The following ZNF385B variants were observed in gnomAD, a reference collection of about 807,000 sequenced individuals.
ZNF385B encodes zinc finger protein 533.
In ZNF385B, 23 loss-of-function variants were observed where a neutral mutation model predicts 39.2. The ratio of observed to expected loss-of-function variants is 0.59; its 90% confidence interval spans 0.42 to 0.83. The LOEUF (loss-of-function observed/expected upper bound fraction) is 0.83, where lower values mean the gene tolerates loss of function less well. Ranked by LOEUF, ZNF385B falls within the 40% of genes least tolerant of loss-of-function variation. ZNF385B has a pLI of 0.00. For synonymous variants in ZNF385B, 205 were observed against 222.6 expected, an observed-to-expected ratio of 0.92 and a Z score of 0.70; for missense variants, 552 against 598.9, an observed-to-expected ratio of 0.92 and a Z score of 0.82.
intron 3 of ZNF385B, among the ~76,000 whole-genome samples, chr2:179,695,953 C>T (rs999269635): frequency 5.3e-5 from 8 of 152,272 alleles, no homozygotes; most frequent in Middle Eastern, 3.4e-3. Context: ...TGTGTGGATA[C>T]GTGCCACAAC....
chr2:179,650,062 T>C (rs1459251530), intron 3 of ZNF385B, among the ~76,000 whole-genome samples: 2 of 152,156 alleles, frequency 1.3e-5, no homozygotes, highest in African/African-American at 2.4e-5. Context: ...CGGGCAATAA[T>C]GACATATGGT....
intron 3 of ZNF385B, among the ~76,000 whole-genome samples, chr2:179,575,755 T>C (rs1280332121): frequency 6.6e-6 from 1 of 152,046 alleles, no homozygotes; most frequent in East Asian, 1.9e-4. Context: ...TAAGTGGTAG[T>C]TATGCCCAAG....
intron 3 of ZNF385B, among the ~76,000 whole-genome samples, chr2:179,732,996 T>C (rs1299327654): frequency 6.6e-6 from 1 of 152,222 alleles, no homozygotes; most frequent in East Asian, 1.9e-4. Context: ...AGACCCTTAA[T>C]GTTTTACATA....
At chr2:179,846,573 G>T (rs1708810449) in intron 1 of ZNF385B, among the ~76,000 whole-genome samples, 1 of 152,120 alleles carries the variant, frequency 6.6e-6, no homozygotes, top group South Asian at 2.1e-4. Flanking sequence ...GCTGTCCTGG[G>T]GGTACCTCAG....
chr2:179,738,518 A>G (rs545321709), intron 3 of ZNF385B, among the ~76,000 whole-genome samples: 124 of 152,342 alleles, frequency 8.1e-4, no homozygotes, highest in African/African-American at 2.9e-3. Flanking sequence ...TTTGACTCAT[A>G]TGATGAGTTT....
intron 3 of ZNF385B, among the ~76,000 whole-genome samples, chr2:179,659,065 C>T (rs1334944905): frequency 2.0e-5 from 3 of 152,186 alleles, no homozygotes; most frequent in Non-Finnish European, 4.4e-5. Context: ...GCGCGAGCCA[C>T]CATGCCTGGC....
intron 4 of ZNF385B, among the ~76,000 whole-genome samples, chr2:179,532,619 C>T (rs1309607228): frequency 3.3e-5 from 5 of 152,158 alleles, no homozygotes; most frequent in Non-Finnish European, 7.3e-5. Context: ...GATGCTTGGC[C>T]CTTCAGTCTT....
At chr2:179,748,451 C>A (rs2106464474) in intron 3 of ZNF385B, among the ~76,000 whole-genome samples, 1 of 152,134 alleles carries the variant, frequency 6.6e-6, no homozygotes, top group African/African-American at 2.4e-5. Flanking sequence ...GGTTATCTCA[C>A]CCTCTTCTCA....
intron 1 of ZNF385B, among the ~76,000 whole-genome samples, chr2:179,827,179 A>C (rs1707725337): frequency 6.6e-6 from 1 of 152,224 alleles, no homozygotes; most frequent in South Asian, 2.1e-4. Context: ...GCAGGGGAGA[A>C]GGAGCAGCTA....
intron 4 of ZNF385B, among the ~76,000 whole-genome samples, chr2:179,534,011 T>C (rs1228409886): frequency 6.6e-6 from 1 of 152,074 alleles, no homozygotes; most frequent in Non-Finnish European, 1.5e-5. Context: ...ACTTAATATA[T>C]TCTCTTCCAA....
In ZNF385B at chr2:179,460,087, G is replaced by C. The variant is rs192162935; in HGVS notation, c.716-13317C>G. 6.6e-3 allele frequency among the ~76,000 whole-genome samples: 1,006 copies of C among 152,048 alleles called. 17 individuals carry two copies. Among genetic ancestry groups the C allele is most frequent in the Non-Finnish European group, 5.6e-3 (379 of 67,982 alleles). ...CCACTGCACTCCAGCCTGGGCAACAGAGTAAGACTCTGTCTCAAAAAGAAA... is the reference window on the plus strand; with the variant it reads ...CCACTGCACTCCAGCCTGGGCAACACAGTAAGACTCTGTCTCAAAAAGAAA... On this transcript the variant is annotated intron_variant, in intron 6 of 9. Coordinates refer to ENST00000410066, the MANE Select transcript of ZNF385B (RefSeq NM_152520.6).
intron 5 of ZNF385B, among the ~76,000 whole-genome samples, chr2:179,493,202 T>G (rs1166780512): frequency 2.0e-5 from 3 of 152,088 alleles, no homozygotes; most frequent in African/African-American, 7.2e-5. Flanking sequence ...AATTTAGCAC[T>G]GTTTTATTAT....
At chr2:179,445,063 G>A (rs2105532407) in intron 8 of ZNF385B, 86 bp from the exon 9 acceptor site, 1 of 1,132,674 alleles carries the variant, frequency 8.8e-7, no homozygotes. Flanking sequence ...TTTCTCCATT[G>A]CCAACTCTAG....
chr2:179,799,756 G>T (rs1180770619), intron 1 of ZNF385B, among the ~76,000 whole-genome samples: 1 of 151,988 alleles, frequency 6.6e-6, no homozygotes, highest in Non-Finnish European at 1.5e-5. Context: ...AAAGCATTCT[G>T]CAAACTTAAA....
intron 6 of ZNF385B, among the ~76,000 whole-genome samples, chr2:179,463,346 C>CT (rs1346601843): frequency 3.8e-5 from 2 of 53,122 alleles, no homozygotes; most frequent in East Asian, 2.9e-3. Flanking sequence ...CTTGGCCTCT[C>CT]TATTTCTTTT....
rs966110335 is a variant in ZNF385B, at chr2:179,518,760, TAAAG to T, written c.442-126_442-123del. 34 of 537,450 alleles carry T rather than the reference TAAAG, an allele frequency of 6.3e-5. No individual in the cohort carries two copies. In the Admixed American group the frequency reaches 7.1e-4, roughly 11 times the overall value. 33.3% of individuals were successfully genotyped at this position (537,450 alleles called of 1,614,324 possible). A position where few individuals can be genotyped will look rare whatever the true frequency, so the allele number is the denominator to read the frequency against. ...ACTTTTAGTTCCTAAACAAAGATAA[TAAAG>T]AGTCTCCTTCAACAGTAATATATTT... On this transcript the variant is annotated intron_variant, in intron 4 of 9. Transcript: ENST00000410066.
At chr2:179,537,696 G>A (rs894388779) in intron 4 of ZNF385B, among the ~76,000 whole-genome samples, 2 of 151,454 alleles carry the variant, frequency 1.3e-5, no homozygotes, top group Non-Finnish European at 2.9e-5. Context: ...AGCTGAGATT[G>A]TACCACTGCA....
chr2:179,571,392 G>C (rs1009707755), intron 3 of ZNF385B, among the ~76,000 whole-genome samples: 3 of 152,154 alleles, frequency 2.0e-5, no homozygotes, highest in African/African-American at 7.2e-5. Context: ...GTCTTTTAAA[G>C]AGTCTAACCT....
At chr2:179,707,486 A>C (rs570764260) in intron 3 of ZNF385B, among the ~76,000 whole-genome samples, 2 of 152,338 alleles carry the variant, frequency 1.3e-5, no homozygotes, top group South Asian at 4.1e-4. Context: ...GAGGAATTGC[A>C]GGACATCCCC....
Sources: gnomAD v4.1 joint callset for allele counts (sites outside exome capture counted in the v4.1 genomes callset) on GRCh38, gnomAD v4.1.1 for gene constraint, MANE v1.5 for transcripts, NCBI Gene and HGNC (gene_info 2026-07-23, HGNC 2026-07-21) for gene names.